The following CPPED1 variants were observed in gnomAD, a reference collection of about 807,000 sequenced individuals.
CPPED1 encodes serine/threonine-protein phosphatase CPPED1.
CPPED1 carries 28 observed loss-of-function variants against 28.0 expected under a neutral mutation model. That is an observed-to-expected ratio of 1.00 (90% CI 0.74 to 1.37). The LOEUF (loss-of-function observed/expected upper bound fraction) is 1.37, where lower values mean the gene tolerates loss of function less well. Ranked by LOEUF, CPPED1 falls within the 40% of genes most tolerant of loss-of-function variation. CPPED1 has a pLI of 0.00. For synonymous variants in CPPED1, 198 were observed against 180.2 expected (o/e 1.10, Z -0.79); for missense variants, 504 against 416.5 (o/e 1.21, Z -1.83).
intron 2 of CPPED1, among the ~76,000 whole-genome samples, chr16:12,726,070 C>G (rs2080168420): frequency 6.6e-6 from 1 of 152,108 alleles, no homozygotes; most frequent in Admixed American, 6.5e-5. Context: ...GAGATGAAGT[C>G]TCACTCTGTC....
chr16:12,751,191 C>G (rs2080325989), intron 2 of CPPED1, among the ~76,000 whole-genome samples: 1 of 152,148 alleles, frequency 6.6e-6, no homozygotes. Context: ...TGGAGGGAAG[C>G]AGAGGAATGT....
At chr16:12,706,322 G>C (rs1429935394) in intron 2 of CPPED1, among the ~76,000 whole-genome samples, 1 of 151,554 alleles carries the variant, frequency 6.6e-6, no homozygotes, top group East Asian at 2.0e-4. Flanking sequence ...GAGGGAGGGA[G>C]TCTTACACTT....
intron 2 of CPPED1, among the ~76,000 whole-genome samples, chr16:12,722,349 T>G (rs2080145918): frequency 6.6e-6 from 1 of 152,210 alleles, no homozygotes; most frequent in Admixed American, 6.5e-5. Flanking sequence ...ACCAAATGAT[T>G]TCTCCAGCTG....
intron 1 of CPPED1, among the ~76,000 whole-genome samples, chr16:12,783,897 C>T (rs2080547172): frequency 6.6e-6 from 1 of 152,138 alleles, no homozygotes; most frequent in African/African-American, 2.4e-5. Context: ...AGAAAGACAG[C>T]AATATGGCAC....
rs937727415 is a variant in CPPED1, at chr16:12,709,010, G to A, written c.290-3961C>T. Among the ~76,000 whole-genome samples, 3 of 152,166 alleles carry A rather than the reference G, an allele frequency of 2.0e-5. No homozygotes were observed. The highest frequency in any genetic ancestry group is 7.2e-5 in the African/African-American group (3 of 41,434). The stretch of plus-strand genomic sequence containing the variant: ...CAGGAGAATTGCTTGAACCCGGGAG[G>A]CAGAGGTTGCAGTGAGCCAATATCG... On this transcript the variant is annotated intron_variant, in intron 2 of 3. Transcript: ENST00000381774. This position sits in a 1 kb window ranked among gnomAD's most constrained non-coding sequence, Gnocchi z 4.4.
intron 3 of CPPED1, among the ~76,000 whole-genome samples, chr16:12,675,465 A>G (rs1344965706): frequency 6.6e-6 from 1 of 152,194 alleles, no homozygotes; most frequent in Non-Finnish European, 1.5e-5. Context: ...TATAAAAGCT[A>G]TTTTTAAGCT....
chr16:12,798,970 C>T (rs1012617077), intron 1 of CPPED1, among the ~76,000 whole-genome samples: 6 of 152,058 alleles, frequency 3.9e-5, no homozygotes, highest in African/African-American at 9.7e-5. Flanking sequence ...TAACAGGGAA[C>T]GGATGACTGA....
intron 2 of CPPED1, among the ~76,000 whole-genome samples, chr16:12,730,036 A>G (rs1039915811): frequency 6.6e-6 from 1 of 152,154 alleles, no homozygotes; most frequent in Admixed American, 6.5e-5. Flanking sequence ...TGATTTTCAA[A>G]TTTTGTGTAG....
chr16:12,801,178 C>A (rs1381064290), intron 1 of CPPED1, among the ~76,000 whole-genome samples: 1 of 152,202 alleles, frequency 6.6e-6, no homozygotes, highest in African/African-American at 2.4e-5. Context: ...ACTGCAACTT[C>A]TGCTTCCCAG....
chr16:12,688,330 AT>A (rs762320027), intron 3 of CPPED1, among the ~76,000 whole-genome samples: 4,028 of 130,360 alleles, frequency 0.031, 151 homozygotes, highest in African/African-American at 0.1. Context: ...CTACTCCAGG[AT>A]TTTTTTTTTT....
chr16:12,767,800 T>C (rs995318295), intron 2 of CPPED1, among the ~76,000 whole-genome samples: 1 of 151,958 alleles, frequency 6.6e-6, no homozygotes, highest in African/African-American at 2.4e-5. Flanking sequence ...TCTACTAAAA[T>C]ATAAAAATTA....
intron 2 of CPPED1, among the ~76,000 whole-genome samples, chr16:12,747,499 C>T (rs2080297891): frequency 6.6e-6 from 1 of 150,448 alleles, no homozygotes; most frequent in African/African-American, 2.4e-5. Context: ...GAAAAAAATC[C>T]CTCTATAGGC....
chr16:12,748,612 G>A (rs776196668), intron 2 of CPPED1, among the ~76,000 whole-genome samples: 5 of 152,146 alleles, frequency 3.3e-5, no homozygotes, highest in Non-Finnish European at 7.3e-5. Context: ...CTGGCCGGGC[G>A]CGGTGGCTCA....
chr16:12,667,127 A>G (rs1339552411), intron 3 of CPPED1, among the ~76,000 whole-genome samples: 1 of 152,148 alleles, frequency 6.6e-6, no homozygotes, highest in East Asian at 1.9e-4. Flanking sequence ...ATGAGGGAAA[A>G]ACAAAAAACA....
At chr16:12,695,920 G>A (rs1567278586) in intron 3 of CPPED1, among the ~76,000 whole-genome samples, 2 of 152,160 alleles carry the variant, frequency 1.3e-5, no homozygotes, top group Non-Finnish European at 2.9e-5. Context: ...TTTGAAACAG[G>A]TGTGTGCTTT....
rs573369161 is a variant in CPPED1 at position 12,737,854 on chromosome 16, T to C, written c.290-32805A>G. On this transcript the variant is annotated intron_variant, in intron 2 of 3. Coordinates refer to ENST00000381774, the MANE Select transcript of CPPED1 (RefSeq NM_018340.3). The stretch of plus-strand genomic sequence containing the variant: ...AATTTTCTCTCTCTCTTCTTGGTCT[T>C]CTTGGCATTCATCTTCCCTGTGTCA... 3.9e-5 allele frequency among the ~76,000 whole-genome samples: 6 copies of C among 152,300 alleles called. No individual in the cohort carries two copies. The South Asian group carries it at 8.3e-4, about 21-fold the overall frequency.
intron 3 of CPPED1, among the ~76,000 whole-genome samples, chr16:12,669,911 T>C (rs1026121397): frequency 1.3e-5 from 2 of 152,138 alleles, no homozygotes; most frequent in African/African-American, 4.8e-5. Context: ...GCAAATGGAC[T>C]CAGGAATCAA....
At chr16:12,708,836 T>C (rs2080065251) in intron 2 of CPPED1, among the ~76,000 whole-genome samples, 1 of 152,130 alleles carries the variant, frequency 6.6e-6, no homozygotes, top group Non-Finnish European at 1.5e-5. Context: ...TCCCAGGACT[T>C]TGGGAGGCTG....
intron 2 of CPPED1, among the ~76,000 whole-genome samples, chr16:12,766,152 G>A (rs1336146959): frequency 6.6e-6 from 1 of 151,528 alleles, no homozygotes; most frequent in Admixed American, 6.6e-5. Flanking sequence ...AACCCCAAAG[G>A]GAGGCAGAGG....
Sources: gnomAD v4.1 joint callset for allele counts (sites outside exome capture counted in the v4.1 genomes callset) on GRCh38, gnomAD v4.1.1 for gene constraint, Gnocchi (gnomAD v3.1) non-coding constraint, MANE v1.5 for transcripts, NCBI Gene and HGNC (gene_info 2026-07-23, HGNC 2026-07-21) for gene names.